The following MAGI1 variants were observed in gnomAD, a reference collection of about 807,000 sequenced individuals.
MAGI1 encodes the protein membrane-associated guanylate kinase, WW and PDZ domain-containing protein 1.
A neutral mutation model predicts 139.9 loss-of-function variants in MAGI1; 58 were observed. The ratio of observed to expected loss-of-function variants is 0.41; its 90% CI spans 0.34 to 0.52. The LOEUF (loss-of-function observed/expected upper bound fraction) is 0.52. Ranked by LOEUF, MAGI1 falls within the 20% of genes least tolerant of loss-of-function variation. MAGI1 has a pLI of 0.12. For synonymous variants in MAGI1, 812 were observed against 737.9 expected, an observed-to-expected ratio of 1.10 and a Z score of -1.63; for missense variants, 1,874 against 1,901.6, an observed-to-expected ratio of 0.99 and a Z score of 0.27.
chr3:65,972,021 G>C (rs1214476749), intron 1 of MAGI1, among the ~76,000 whole-genome samples: 3 of 152,318 alleles, frequency 2.0e-5, no homozygotes, highest in Admixed American at 2.0e-4. Flanking sequence ...AAGGGCAACA[G>C]ACTATTCTAG....
chr3:65,576,191 C>T (rs992819893), intron 2 of MAGI1, among the ~76,000 whole-genome samples: 1 of 152,090 alleles, frequency 6.6e-6, no homozygotes, highest in African/African-American at 2.4e-5. Context: ...GCATTTTTAG[C>T]GGTTTTCTGT....
At chr3:65,639,641 G>A (rs1380762531) in intron 1 of MAGI1, among the ~76,000 whole-genome samples, 1 of 152,158 alleles carries the variant, frequency 6.6e-6, no homozygotes, top group African/African-American at 2.4e-5. Context: ...TCCTTAGTGT[G>A]GGTGGGCCCC....
At chr3:65,593,354 T>C (rs1305192599) in intron 2 of MAGI1, among the ~76,000 whole-genome samples, 1 of 152,138 alleles carries the variant, frequency 6.6e-6, no homozygotes, top group Non-Finnish European at 1.5e-5. Context: ...CAAAGAAATA[T>C]ACCCAGTGCA....
chr3:65,789,048 A>G (rs9850174), intron 1 of MAGI1, among the ~76,000 whole-genome samples: 2,770 of 152,110 alleles, frequency 0.018, 75 homozygotes, highest in African/African-American at 0.063. Context: ...AGGCTTGGCG[A>G]CACCCACCCG....
At chr3:65,402,280 G>A (rs1475406721) in intron 12 of MAGI1, among the ~76,000 whole-genome samples, 1 of 152,106 alleles carries the variant, frequency 6.6e-6, no homozygotes, top group Non-Finnish European at 1.5e-5. Context: ...AGGCAAAGGT[G>A]GTCATTGAAT....
intron 1 of MAGI1, among the ~76,000 whole-genome samples, chr3:65,679,744 A>G (rs577363547): frequency 6.6e-6 from 1 of 152,290 alleles, no homozygotes; most frequent in East Asian, 1.9e-4. Context: ...CTGTTTTCCA[A>G]CAGGGGTGGG....
chr3:65,812,480 A>ACACACACACACACG (rs72383320), intron 1 of MAGI1, among the ~76,000 whole-genome samples: 3,204 of 146,166 alleles, frequency 0.022, 87 homozygotes, highest in East Asian at 0.1. Context: ...ACACACACAC[A>ACACACACACACACG]CACACACACA....
At chr3:65,952,266 T>A (rs774547807) in intron 1 of MAGI1, among the ~76,000 whole-genome samples, 1 of 152,230 alleles carries the variant, frequency 6.6e-6, no homozygotes, top group Non-Finnish European at 1.5e-5. Flanking sequence ...ATCCTTAGGA[T>A]GTAATTTTGC....
At chr3:65,463,103 T>C (rs995491886) in intron 5 of MAGI1, among the ~76,000 whole-genome samples, 18 of 152,188 alleles carry the variant, frequency 1.2e-4, no homozygotes, top group Admixed American at 3.3e-4. Context: ...TATCTGAATA[T>C]GCTTTATTTC....
At chr3:65,637,555 A>AG (rs1455646244) in intron 1 of MAGI1, among the ~76,000 whole-genome samples, 28 of 129,266 alleles carry the variant, frequency 2.2e-4, no homozygotes, top group African/African-American at 5.9e-4. Flanking sequence ...CTGTCTCCAA[A>AG]AAAAGAAAGA....
chr3:65,996,395 T>C (rs1199349702), intron 1 of MAGI1, among the ~76,000 whole-genome samples: 1 of 152,082 alleles, frequency 6.6e-6, no homozygotes, highest in Non-Finnish European at 1.5e-5. Flanking sequence ...AATCTCATAA[T>C]TCCACCCCAT....
intron 8 of MAGI1, among the ~76,000 whole-genome samples, chr3:65,440,801 A>G (rs890876407): frequency 1.3e-5 from 2 of 149,982 alleles, no homozygotes; most frequent in African/African-American, 2.4e-5. Context: ...ACACATATAT[A>G]TGTATACATA....
chr3:66,003,794 T>C (rs1560101696), intron 1 of MAGI1: 1 of 152,106 alleles, frequency 6.6e-6, no homozygotes, highest in South Asian at 2.1e-4. Context: ...TAAGGGTAAC[T>C]TGGTAACTGT....
At chr3:65,962,238 C>T (rs1428721088) in intron 1 of MAGI1, among the ~76,000 whole-genome samples, 2 of 151,420 alleles carry the variant, frequency 1.3e-5, no homozygotes, top group Non-Finnish European at 2.9e-5. Context: ...TCCTACTCAG[C>T]CTCCTGAGTA....
intron 5 of MAGI1, among the ~76,000 whole-genome samples, chr3:65,453,555 G>C (rs1949177430): frequency 6.6e-6 from 1 of 151,984 alleles, no homozygotes; most frequent in East Asian, 1.9e-4. Context: ...CCTAACATAT[G>C]ATTATTCAAT....
intron 22 of MAGI1, 64 bp from the exon 23 acceptor site, chr3:65,357,196 C>T: frequency 6.6e-7 from 1 of 1,507,108 alleles, no homozygotes; most frequent in Non-Finnish European, 8.9e-7. Context: ...TGTCCCCGTT[C>T]CCACCCACAC....
intron 2 of MAGI1, among the ~76,000 whole-genome samples, chr3:65,604,039 C>G (rs939107672): frequency 6.6e-6 from 1 of 152,196 alleles, no homozygotes; most frequent in African/African-American, 2.4e-5. Flanking sequence ...GATACATTCA[C>G]ATTATAGCAC....
chr3:65,576,301 G>A (rs2081173157), intron 2 of MAGI1, among the ~76,000 whole-genome samples: 1 of 152,150 alleles, frequency 6.6e-6, no homozygotes, highest in Non-Finnish European at 1.5e-5. Flanking sequence ...TCAGCTCAGG[G>A]TGCTAGAACA....
At chr3:65,844,528 C>G (rs544480263) in intron 1 of MAGI1, 51 of 225,878 alleles carry the variant, frequency 2.3e-4, no homozygotes, top group African/African-American at 1.1e-3. Context: ...TCAGAGAGCC[C>G]TGAAGTTTTA....
Sources: gnomAD v4.1 joint callset for allele counts (sites outside exome capture counted in the v4.1 genomes callset) on GRCh38, gnomAD v4.1.1 for gene constraint, MANE v1.5 for transcripts, NCBI Gene and HGNC (gene_info 2026-07-23, HGNC 2026-07-21) for gene names.